The following USP46 variants were observed in gnomAD, a reference collection of about 807,000 sequenced individuals.
The protein encoded by USP46 is ubiquitin carboxyl-terminal hydrolase 46.
A neutral mutation model predicts 44.4 loss-of-function variants in USP46; 12 were observed. The observed-to-expected ratio is 0.27, with a 90% CI of 0.17 to 0.44. The LOEUF (loss-of-function observed/expected upper bound fraction) is 0.44, where lower values mean the gene tolerates loss of function less well. Among genes scored for constraint, USP46 ranks in the 20% least tolerant of loss-of-function variants. The pLI, the probability that USP46 is intolerant of heterozygous loss-of-function variation, is 1.00. For synonymous variants in USP46, 155 were observed against 161.5 expected (o/e 0.96, Z 0.31); for missense variants, 248 against 444.8 (o/e 0.56, Z 3.98).
intron 1 of USP46, among the ~76,000 whole-genome samples, chr4:52,653,442 T>C (rs1235876858): frequency 6.7e-6 from 1 of 148,374 alleles, no homozygotes; most frequent in Non-Finnish European, 1.5e-5. Flanking sequence ...GAGGCAGAGG[T>C]TGCAGTGAAG....
At position 52,656,517 on chromosome 4, in the gene USP46, T is replaced by C. The variant is rs1038546449; in HGVS notation, c.36+2598A>G. On this transcript the variant is annotated intron_variant, in intron 1 of 8. Transcript: ENST00000441222. The stretch of plus-strand genomic sequence containing the variant: ...TCCTATACATGGGAGGTGTTTATAT[T>C]AGTGGTTGCTTCCACCAGGTCTGAA... 7.3e-5 allele frequency: 104 copies of C among 1,420,874 alleles called. No homozygotes were observed. In the African/African-American group the frequency reaches 1.5e-3, roughly 20 times the overall value. 88.0% of individuals were successfully genotyped at this position (1,420,874 alleles called of 1,614,324 possible).
chr4:52,645,012 G>A (rs1319019021), intron 1 of USP46, among the ~76,000 whole-genome samples: 10 of 151,960 alleles, frequency 6.6e-5, no homozygotes, highest in Admixed American at 2.6e-4. Context: ...AGCTGACATC[G>A]TGCCATTGCA....
intron 2 of USP46, 94 bp downstream of exon 2, chr4:52,630,970 T>C: frequency 9.8e-7 from 1 of 1,023,600 alleles, no homozygotes; most frequent in Non-Finnish European, 1.5e-6. Flanking sequence ...TGACCAATCA[T>C]TTAAAAATTG....
chr4:52,653,176 T>C (rs904473993), intron 1 of USP46, among the ~76,000 whole-genome samples: 4 of 152,166 alleles, frequency 2.6e-5, no homozygotes, highest in South Asian at 2.1e-4. Flanking sequence ...AACCCTTTAC[T>C]GTTAGGGTTG....
At chr4:52,656,151 C>T in intron 1 of USP46, 1 of 739,702 alleles carries the variant, frequency 1.4e-6, no homozygotes. Context: ...ATATGTTAAA[C>T]GATGTGCTTA....
chr4:52,638,456 T>C (rs1718204205), intron 1 of USP46, among the ~76,000 whole-genome samples: 1 of 152,028 alleles, frequency 6.6e-6, no homozygotes, highest in Admixed American at 6.6e-5. Flanking sequence ...TATATTTTTG[T>C]CTTTTTAAGC....
intron 1 of USP46, among the ~76,000 whole-genome samples, chr4:52,656,038 A>C (rs746269151): frequency 1.3e-4 from 20 of 152,228 alleles, no homozygotes; most frequent in Admixed American, 2.6e-4. Flanking sequence ...TATCTGGTGG[A>C]GGAAACAAAT....
Position 52,628,724 on chromosome 4 carries a change from G to A in USP46, c.118-561C>T, listed in dbSNP as rs996070606. On this transcript the variant is annotated intron_variant, in intron 2 of 8. Coordinates refer to ENST00000441222, the MANE Select transcript of USP46 (RefSeq NM_022832.4). ...AGACCACATTTCCTCACTTAACCCC[G>A]AGCAACACAGCAACGCAGGCAAAAA... is the stretch of plus-strand genomic sequence containing the variant. Among the ~76,000 whole-genome samples the A allele has an allele frequency of 5.9e-5, 9 of 152,070 alleles. No homozygotes were observed. In the South Asian group the frequency reaches 8.3e-4, roughly 14 times the overall value.
At chr4:52,627,050 C>T (rs1371535742) in intron 3 of USP46, among the ~76,000 whole-genome samples, 4 of 152,108 alleles carry the variant, frequency 2.6e-5, no homozygotes, top group African/African-American at 9.7e-5. Flanking sequence ...GATAGTGTTC[C>T]GAAACCAAAT....
chr4:52,595,802 T>C lies in USP46; in HGVS notation c.*1838A>G, dbSNP rs975580419. ...AACTTGCAGTCAAATATATGGATTC[T>C]ATATAGTACAAACATTTCCCTACAT... is the stretch of plus-strand genomic sequence containing the variant. On this transcript the variant is annotated 3_prime_UTR_variant, in exon 9 of 9. Coordinates refer to ENST00000441222, the MANE Select transcript of USP46 (RefSeq NM_022832.4). 8 of 152,242 alleles carry C rather than the reference T, an allele frequency of 5.3e-5. No homozygotes were observed. The highest frequency in any genetic ancestry group is 3.3e-4 in the Admixed American group (5 of 15,288). 9.4% of individuals were successfully genotyped at this position (152,242 alleles called of 1,614,324 possible). A position where few individuals can be genotyped will look rare whatever the true frequency, so the allele number is the denominator to read the frequency against.
intron 1 of USP46, among the ~76,000 whole-genome samples, chr4:52,656,782 A>T (rs1407992697): frequency 6.6e-6 from 1 of 151,934 alleles, no homozygotes; most frequent in Non-Finnish European, 1.5e-5. Context: ...GGCTCACGGC[A>T]GTAATTTGGC....
chr4:52,639,509 GA>G, intron 1 of USP46, among the ~76,000 whole-genome samples: 1 of 150,324 alleles, frequency 6.7e-6, no homozygotes, highest in East Asian at 1.9e-4. Context: ...GGGGGAAGCA[GA>G]AAAAAAAATG....
intron 1 of USP46, among the ~76,000 whole-genome samples, chr4:52,640,803 T>C (rs2109653892): frequency 7.5e-6 from 1 of 132,742 alleles, no homozygotes; most frequent in South Asian, 2.4e-4. Context: ...CAAAACTCCA[T>C]CTCAAAAAAA....
intron 1 of USP46, among the ~76,000 whole-genome samples, chr4:52,657,734 C>T (rs927998583): frequency 6.6e-6 from 1 of 152,322 alleles, no homozygotes; most frequent in South Asian, 2.1e-4. Flanking sequence ...ATCCACTCCC[C>T]GTATGGAACT....
chr4:52,604,826 C>T (rs1190976231), intron 5 of USP46, among the ~76,000 whole-genome samples: 1 of 152,010 alleles, frequency 6.6e-6, no homozygotes, highest in Admixed American at 6.6e-5. Flanking sequence ...CATGAATTTA[C>T]CATGAGAGAT....
intron 8 of USP46, 57 bp from the exon 9 acceptor site, chr4:52,597,798 G>T: frequency 7.8e-7 from 1 of 1,278,240 alleles, no homozygotes; most frequent in Non-Finnish European, 1.1e-6. Context: ...CTGGGGAAAG[G>T]AAATAAAAAC....
intron 1 of USP46, chr4:52,656,585 A>T: frequency 3.1e-6 from 4 of 1,308,674 alleles, no homozygotes; most frequent in Non-Finnish European, 3.9e-6. Context: ...GGTAGATGAC[A>T]TAACAATGAG....
intron 1 of USP46, among the ~76,000 whole-genome samples, chr4:52,638,851 A>G (rs1031247764): frequency 6.6e-6 from 1 of 151,974 alleles, no homozygotes; most frequent in Non-Finnish European, 1.5e-5. Flanking sequence ...ATTTGGAAAC[A>G]TATGTTCGTG....
chr4:52,635,526 C>T lies in USP46; in HGVS notation c.37-4382G>A, dbSNP rs186363456. ...CCTCAAAACCTCGCCATCCCCTTGA[C>T]CCTTCTCACTGGCCTTCCACTCAAC... On this transcript the variant is annotated intron_variant, in intron 1 of 8. Transcript: ENST00000441222. Among the ~76,000 whole-genome samples the T allele has an allele frequency of 1.3e-3, 204 of 152,308 alleles. 5 individuals carry two copies. The highest frequency in any genetic ancestry group is 2.7e-3 in the East Asian group (14 of 5,186).
Sources: gnomAD v4.1 joint callset for allele counts (sites outside exome capture counted in the v4.1 genomes callset) on GRCh38, gnomAD v4.1.1 for gene constraint, MANE v1.5 for transcripts, NCBI Gene and HGNC (gene_info 2026-07-23, HGNC 2026-07-21) for gene names.